Variants in ESCO2 observed in about 807,000 individuals in gnomAD.
The protein encoded by ESCO2 is N-acetyltransferase ESCO2.
In ESCO2, 51 loss-of-function variants were observed where a neutral mutation model predicts 61.7. The ratio of observed to expected loss-of-function variants is 0.83; its 90% CI spans 0.66 to 1.04. The LOEUF (loss-of-function observed/expected upper bound fraction) is 1.04. Ranked by LOEUF, ESCO2 falls within the 50% of genes least tolerant of loss-of-function variation. The pLI is 0.00. For synonymous variants in ESCO2, 230 were observed against 238.2 expected (o/e 0.97, Z 0.32); for missense variants, 692 against 686.2 (o/e 1.01, Z -0.09).
At chr8:27,817,552 T>C (rs76581032), downstream of ESCO2, among the ~76,000 whole-genome samples, 6 of 106,274 alleles carry the variant, frequency 5.6e-5, no homozygotes, top group South Asian at 6.6e-4. Flanking sequence ...TTTAACCCTG[T>C]TTTTTTTTTC....
chr8:27,817,577 T>C (rs1585424923), downstream of ESCO2, among the ~76,000 whole-genome samples: 1 of 152,118 alleles, frequency 6.6e-6, no homozygotes, highest in African/African-American at 2.4e-5. Context: ...AACCTAGTTA[T>C]ATCTTGAAAC....
upstream of ESCO2, among the ~76,000 whole-genome samples, chr8:27,772,352 G>T (rs1213735783): frequency 6.6e-6 from 1 of 152,256 alleles, no homozygotes; most frequent in African/African-American, 2.4e-5. Context: ...TCCTGCAGCC[G>T]TGGGAGGGAC....
At chr8:27,806,618 TTC>T (rs1491345474), downstream of ESCO2, among the ~76,000 whole-genome samples, 22 of 147,152 alleles carry the variant, frequency 1.5e-4, no homozygotes, top group African/African-American at 5.7e-4. Flanking sequence ...ATTGGATACT[TTC>T]TTTTTTTTTT....
chr8:27,806,808 G>A (rs4732603), downstream of ESCO2, among the ~76,000 whole-genome samples: 23,369 of 151,796 alleles, frequency 0.15, 2,242 homozygotes, highest in East Asian at 0.36. Flanking sequence ...TAGAGACGGG[G>A]TTTTACCATG....
chr8:27,816,782 A>G (rs1014478918), downstream of ESCO2, among the ~76,000 whole-genome samples: 5 of 152,046 alleles, frequency 3.3e-5, no homozygotes, highest in Admixed American at 3.3e-4. Context: ...GTAAATACAT[A>G]TAAGTGCTAT....
Position 27,799,621 on chromosome 8 carries a change from T to G in ESCO2, c.1578T>G (p.Asp526Glu). The change falls in exon 10 of 11, where the codon GAT (aspartate) becomes GAG (glutamate). Residue 526 changes from aspartate (D) to glutamate (E), a missense_variant. Coordinates refer to ENST00000305188, the MANE Select transcript of ESCO2 (RefSeq NM_001017420.3). ...TECPRAWQCS[D>E]VPEPAVCGIS... is the part of the protein sequence containing the mutation. The stretch of plus-strand genomic sequence containing the variant: ...GTCCTAGGGCTTGGCAATGTTCAGA[T>G]GTACCAGAACCTGCAGTCTGTGGGA... 6.2e-7 allele frequency: 1 copy of G among 1,614,016 alleles called. No homozygotes were observed. Among genetic ancestry groups the G allele is most frequent in the Non-Finnish European group, 8.5e-7 (1 of 1,180,000 alleles).
chr8:27,789,058 C>T, intron 7 of ESCO2, 80 bp downstream of exon 7: 1 of 1,569,986 alleles, frequency 6.4e-7, no homozygotes, highest in Non-Finnish European at 8.7e-7. Context: ...CTCTACCACC[C>T]AGCCGGAAAA....
chr8:27,775,435 G>A (rs1431200398), intron 1 of ESCO2, 64 bp from the exon 2 acceptor site: 2 of 1,338,954 alleles, frequency 1.5e-6, no homozygotes, highest in South Asian at 1.2e-5. Flanking sequence ...AATTAAAGGG[G>A]GTATAATTTT....
chr8:27,785,964 A>G (rs1361511770), intron 5 of ESCO2, among the ~76,000 whole-genome samples: 1 of 152,150 alleles, frequency 6.6e-6, no homozygotes, highest in Non-Finnish European at 1.5e-5. Context: ...CAAGGAGGTT[A>G]TGGTTAGAGG....
chr8:27,810,276 C>T (rs1052873), downstream of ESCO2: 278,618 of 1,475,812 alleles, frequency 0.19, 28,815 homozygotes, highest in Middle Eastern at 0.22. Flanking sequence ...CAGTTATTTA[C>T]GCAAGCCACA....
chr8:27,808,247 T>C, downstream of ESCO2: 1 of 1,242,238 alleles, frequency 8.0e-7, no homozygotes, highest in Non-Finnish European at 1.0e-6. Context: ...TCTTCAACAT[T>C]TCTCAAGTAG....
intron 4 of ESCO2, among the ~76,000 whole-genome samples, chr8:27,783,538 A>G (rs1804970169): frequency 1.3e-5 from 2 of 152,122 alleles, no homozygotes; most frequent in South Asian, 4.1e-4. Flanking sequence ...TTATTACCAA[A>G]TCCAAGTTCA....
At chr8:27,797,685 T>C (rs1366211002) in intron 9 of ESCO2, among the ~76,000 whole-genome samples, 1 of 152,246 alleles carries the variant, frequency 6.6e-6, no homozygotes, top group Non-Finnish European at 1.5e-5. Flanking sequence ...GTGGTGTGCT[T>C]TGATTTCTTT....
At chr8:27,794,660 A>G (rs1805255738) in intron 9 of ESCO2, among the ~76,000 whole-genome samples, 1 of 152,122 alleles carries the variant, frequency 6.6e-6, no homozygotes, top group African/African-American at 2.4e-5. Context: ...GCCCAGACCG[A>G]TGTCAAGCTT....
downstream of ESCO2, among the ~76,000 whole-genome samples, chr8:27,813,911 TTTTC>T (rs1805756231): frequency 6.7e-6 from 1 of 150,254 alleles, no homozygotes; most frequent in African/African-American, 2.5e-5. Context: ...TATGATTTTT[TTTTC>T]TTATCAGTTT....
chr8:27,817,493 G>T (rs1563489840), downstream of ESCO2, among the ~76,000 whole-genome samples: 3 of 151,632 alleles, frequency 2.0e-5, no homozygotes, highest in Non-Finnish European at 4.4e-5. Flanking sequence ...CTTTTATTAG[G>T]ATTATTAACT....
Position 27,775,505 on chromosome 8 carries a change from A to G in ESCO2, c.-10A>G, listed in dbSNP as rs1464543858. 1.2e-6 allele frequency: 2 copies of G among 1,613,424 alleles called. No homozygotes were observed. The highest frequency in any genetic ancestry group is 1.1e-5 in the South Asian group (1 of 91,060). On this transcript the variant is annotated 5_prime_UTR_variant, in exon 2 of 11. Coordinates refer to ENST00000305188, the MANE Select transcript of ESCO2 (RefSeq NM_001017420.3). ...TTATTGTCATTTCTTTTAGGAATTC[A>G]ATAAAGAAAATGGCAGCTCTTACTC...
At chr8:27,793,802 A>G (rs1805234598) in intron 9 of ESCO2, among the ~76,000 whole-genome samples, 2 of 152,088 alleles carry the variant, frequency 1.3e-5, no homozygotes, top group Non-Finnish European at 2.9e-5. Context: ...ATTTTCAAGT[A>G]TACATTAGCT....
intron 9 of ESCO2, among the ~76,000 whole-genome samples, chr8:27,798,070 C>T (rs1447904823): frequency 6.6e-6 from 1 of 152,194 alleles, no homozygotes; most frequent in African/African-American, 2.4e-5. Context: ...ATACCAAATG[C>T]TAGTGAGGAT....
Sources: allele counts gnomAD v4.1 joint callset (sites outside exome capture counted in the v4.1 genomes callset), GRCh38; gene constraint gnomAD v4.1.1; transcripts MANE v1.5; gene names NCBI Gene and HGNC (gene_info 2026-07-23, HGNC 2026-07-21).